The following CCDC181 variants were observed in gnomAD, a reference collection of about 807,000 sequenced individuals.
CCDC181 encodes the protein coiled-coil domain-containing protein 181.
In CCDC181, 35 loss-of-function variants were observed where a neutral mutation model predicts 58.7. That is an observed-to-expected ratio of 0.60 (90% CI 0.46 to 0.79). The LOEUF is 0.79. Ranked by LOEUF, CCDC181 falls within the 30% of genes least tolerant of loss-of-function variation. The pLI is 0.00. For synonymous variants in CCDC181, 183 were observed against 197.5 expected, an observed-to-expected ratio of 0.93 and a Z score of 0.62; for missense variants, 517 against 583.9, an observed-to-expected ratio of 0.89 and a Z score of 1.18.
intron 2 of CCDC181, among the ~76,000 whole-genome samples, chr1:169,443,663 T>G (rs933319207): frequency 1.3e-5 from 2 of 152,110 alleles, no homozygotes; most frequent in Non-Finnish European, 2.9e-5. Context: ...GAAGCTGTAC[T>G]TCATCCAGAC....
At chr1:169,429,655 G>T (rs139859881), upstream of CCDC181, among the ~76,000 whole-genome samples, 1 of 152,044 alleles carries the variant, frequency 6.6e-6, no homozygotes, top group African/African-American at 2.4e-5. Flanking sequence ...GAGCTTATTC[G>T]TTTTTTCCTT....
chr1:169,435,079 T>A (rs761718204), intron 2 of CCDC181, among the ~76,000 whole-genome samples: 1 of 152,166 alleles, frequency 6.6e-6, no homozygotes, highest in Middle Eastern at 3.4e-3. Flanking sequence ...CACTTAAAAA[T>A]GGTTAAGATA....
At chr1:169,429,309 T>C (rs1240448299), upstream of CCDC181, among the ~76,000 whole-genome samples, 1 of 152,206 alleles carries the variant, frequency 6.6e-6, no homozygotes, top group Non-Finnish European at 1.5e-5. Flanking sequence ...TTCCTCTGGG[T>C]AGATACACGG....
At chr1:169,419,888 G>T (rs997226510) in intron 3 of CCDC181, among the ~76,000 whole-genome samples, 2 of 152,110 alleles carry the variant, frequency 1.3e-5, no homozygotes, top group Non-Finnish European at 2.9e-5. Flanking sequence ...GCCCAACCCA[G>T]AAAATATGGG....
At position 169,397,264 on chromosome 1, in the gene CCDC181, G is replaced by T; in HGVS notation, c.1343C>A (p.Thr448Lys). 1 of 1,604,790 alleles carries T rather than the reference G, an allele frequency of 6.2e-7. No homozygotes were observed. The change falls in exon 5 of 6, where the codon ACA (threonine) becomes AAA (lysine). Residue 448 changes from threonine (T) to lysine (K), a missense_variant. Physicochemically the swap from Thr to Lys is moderately conservative, Grantham distance 78 (BLOSUM62 -1). Transcript: ENST00000367806. ...QEECLFFLKG[T>K]EGRERAFKQW... ...TTTAAAGGCCCTTTCCCGGCCTTCT[G>T]TTCCTTTAAGGAAGAATAAACATTC... is the stretch of plus-strand genomic sequence containing the variant.
chr1:169,415,489 A>C (rs1187873349), intron 4 of CCDC181, among the ~76,000 whole-genome samples: 1 of 152,162 alleles, frequency 6.6e-6, no homozygotes, highest in Non-Finnish European at 1.5e-5. Flanking sequence ...TTCCTATCTT[A>C]TGCAAATTCT....
At chr1:169,438,058 C>G (rs1402791762) in intron 2 of CCDC181, among the ~76,000 whole-genome samples, 1 of 152,066 alleles carries the variant, frequency 6.6e-6, no homozygotes, top group South Asian at 2.1e-4. Flanking sequence ...CACCAGCCTG[C>G]CAGGCTGGCT....
chr1:169,455,611 C>T (rs940599951), intron 2 of CCDC181, among the ~76,000 whole-genome samples: 2 of 152,060 alleles, frequency 1.3e-5, no homozygotes, highest in African/African-American at 4.8e-5. Context: ...TTAAAATATT[C>T]AGAGATATTA....
At chr1:169,458,818 C>G (rs1657752767) in intron 2 of CCDC181, among the ~76,000 whole-genome samples, 1 of 151,442 alleles carries the variant, frequency 6.6e-6, no homozygotes, top group South Asian at 2.1e-4. Context: ...TTATTTATGT[C>G]TTTGGTGATT....
chr1:169,434,754 G>A lies in CCDC181; in HGVS notation c.-23-9804C>T, dbSNP rs138527099. ...CTGAAAGCTTTTCATCTAAAATCAG[G>A]TACAAAGCAAGGATGCCTGCTTTCA... On this transcript the variant is annotated intron_variant, in intron 2 of 6. Coordinates refer to the CCDC181 transcript ENST00000545005. Among the ~76,000 whole-genome samples, 611 of 152,062 alleles carry A rather than the reference G, an allele frequency of 4.0e-3. 4 individuals carry two copies. Among genetic ancestry groups the A allele is most frequent in the Non-Finnish European group, 5.1e-3 (347 of 67,900 alleles).
At chr1:169,415,889 C>T (rs1656192681) in intron 4 of CCDC181, among the ~76,000 whole-genome samples, 1 of 152,208 alleles carries the variant, frequency 6.6e-6, no homozygotes, top group Non-Finnish European at 1.5e-5. Context: ...TACTCCACCT[C>T]TGAAATCGCT....
chr1:169,448,097 C>A (rs1334799122), intron 2 of CCDC181, among the ~76,000 whole-genome samples: 2 of 152,076 alleles, frequency 1.3e-5, no homozygotes, highest in Non-Finnish European at 2.9e-5. Context: ...ACATGTAGTG[C>A]AGGTACCTAA....
chr1:169,404,739 A>G (rs998282631), intron 4 of CCDC181, among the ~76,000 whole-genome samples: 4 of 152,246 alleles, frequency 2.6e-5, no homozygotes, highest in African/African-American at 9.6e-5. Flanking sequence ...ATTCCCTTTG[A>G]AAACTGGCAC....
At chr1:169,445,556 G>A (rs887013517) in intron 2 of CCDC181, among the ~76,000 whole-genome samples, 1 of 152,108 alleles carries the variant, frequency 6.6e-6, no homozygotes. Context: ...TTGTTGAGGA[G>A]TTTTGCATCA....
chr1:169,446,901 T>C lies in CCDC181; in HGVS notation c.-24+12896A>G, dbSNP rs185338594. 6.7e-4 allele frequency among the ~76,000 whole-genome samples: 102 copies of C among 152,330 alleles called. 1 individual carries two copies. The highest frequency in any genetic ancestry group is 2.3e-3 in the African/African-American group (96 of 41,572). On this transcript the variant is annotated intron_variant, in intron 2 of 6. Coordinates refer to the CCDC181 transcript ENST00000545005. The stretch of plus-strand genomic sequence containing the variant: ...ATTTCCCTCTAAACATTGCTTTTGT[T>C]GCATCCCACGAATTTTGATAAGTTG...
In CCDC181 at chr1:169,424,877, A is replaced by G. The variant is rs1571497697; in HGVS notation, c.51T>C (p.Asp17=). 6.2e-7 allele frequency: 1 copy of G among 1,608,832 alleles called. No homozygotes were observed. The highest frequency in any genetic ancestry group is 1.3e-5 in the African/African-American group (1 of 74,748). The stretch of plus-strand genomic sequence containing the variant: ...ACCACTCCAGGTCCTTTTCAAAGTC[A>G]TCTTCGTATTCTTCACTTTTCTTTG... ...TDSKKSEEYE[D]DFEKDLEWLI... Residue 17 remains aspartate (D), a synonymous_variant, in exon 2 of 6, where the codon GAT becomes GAC. Coordinates refer to ENST00000367806, the MANE Select transcript of CCDC181 (RefSeq NM_001300969.2).
intron 2 of CCDC181, among the ~76,000 whole-genome samples, chr1:169,445,238 CA>C (rs1657341234): frequency 6.6e-6 from 1 of 152,098 alleles, no homozygotes; most frequent in Non-Finnish European, 1.5e-5. Context: ...ACAAAATGCC[CA>C]GTTTCTCATC....
intron 4 of CCDC181, 186 bp downstream of exon 4, chr1:169,418,827 T>C (rs561937572): frequency 4.3e-4 from 227 of 524,356 alleles, no homozygotes; most frequent in Non-Finnish European, 6.7e-4. Flanking sequence ...GGAATCATTT[T>C]ATTTTCACAA....
chr1:169,407,525 C>T (rs1032528099), intron 4 of CCDC181, among the ~76,000 whole-genome samples: 2 of 152,018 alleles, frequency 1.3e-5, no homozygotes, highest in African/African-American at 4.8e-5. Flanking sequence ...TTTTTAAATA[C>T]TTGATTATAA....
Sources: gnomAD v4.1 joint callset for allele counts (sites outside exome capture counted in the v4.1 genomes callset) on GRCh38, gnomAD v4.1.1 for gene constraint, MANE v1.5 for transcripts, NCBI Gene and HGNC (gene_info 2026-07-23, HGNC 2026-07-21) for gene names.